The following NDUFV2 variants were observed in gnomAD, a reference collection of about 807,000 sequenced individuals.
NDUFV2 encodes NADH dehydrogenase [ubiquinone] flavoprotein 2, mitochondrial.
In NDUFV2, 18 loss-of-function variants were observed where a neutral mutation model predicts 31.6. That is an observed-to-expected ratio of 0.57 (90% CI 0.39 to 0.84). The LOEUF (loss-of-function observed/expected upper bound fraction) is 0.84, where lower values mean the gene tolerates loss of function less well. NDUFV2 is among the 40% of genes least tolerant of loss of function. The pLI, the probability that NDUFV2 is intolerant of heterozygous loss-of-function variation, is 0.00. For missense variants in NDUFV2, 314 were observed against 303.6 expected (o/e 1.03, Z -0.26); for synonymous variants, 83 against 99.8 (o/e 0.83, Z 1.01).
chr18:9,113,098 C>T (rs1313936302), intron 1 of NDUFV2, among the ~76,000 whole-genome samples: 1 of 152,198 alleles, frequency 6.6e-6, no homozygotes, highest in South Asian at 2.1e-4. Context: ...CCTGTTTCCT[C>T]ATTTGTAAAA....
At chr18:9,127,360 C>T (rs1284701258) in intron 7 of NDUFV2, among the ~76,000 whole-genome samples, 1 of 152,188 alleles carries the variant, frequency 6.6e-6, no homozygotes, top group Non-Finnish European at 1.5e-5. Flanking sequence ...CATTGTTTTT[C>T]TCATATGACA....
Position 9,125,431 on chromosome 18 carries a change from T to C in NDUFV2, c.579+448T>C, listed in dbSNP as rs745312991. Among the ~76,000 whole-genome samples, 267 of 152,274 alleles carry C rather than the reference T, an allele frequency of 1.8e-3. 3 individuals are homozygous for C. Among genetic ancestry groups the C allele is most frequent in the South Asian group, 1.5e-3 (7 of 4,824 alleles). On this transcript the variant is annotated intron_variant, in intron 6 of 7. Transcript: ENST00000318388. Reference sequence around the variant, plus strand: ...ATATATGTATGCAGCTATACTAATATGTTGTATGGCTTTTTAAAAAAATTT... The same window carrying C: ...ATATATGTATGCAGCTATACTAATACGTTGTATGGCTTTTTAAAAAAATTT...
chr18:9,126,683 C>G (rs2077993353), intron 6 of NDUFV2, 148 bp from the exon 7 acceptor site: 1 of 688,182 alleles, frequency 1.5e-6, no homozygotes, highest in South Asian at 1.7e-5. Context: ...ACCTGTAATC[C>G]CAGCACTTTG....
chr18:9,130,983 T>C (rs532158407), intron 7 of NDUFV2, among the ~76,000 whole-genome samples: 1 of 152,366 alleles, frequency 6.6e-6, no homozygotes, highest in East Asian at 1.9e-4. Flanking sequence ...TGATTGCTCA[T>C]GCAGTTGAAG....
chr18:9,129,083 A>G (rs554990745), intron 7 of NDUFV2, among the ~76,000 whole-genome samples: 5 of 152,010 alleles, frequency 3.3e-5, no homozygotes, highest in South Asian at 2.1e-4. Context: ...GACTATAAGA[A>G]CGTGCCACCA....
chr18:9,109,464 C>CTT (rs1448128858), intron 1 of NDUFV2, among the ~76,000 whole-genome samples: 8 of 152,098 alleles, frequency 5.3e-5, no homozygotes, highest in Non-Finnish European at 7.3e-5. Flanking sequence ...GAAAAGTGAG[C>CTT]TTCGTTGGAT....
chr18:9,119,421 C>G (rs1435702029), intron 3 of NDUFV2, 33 bp downstream of exon 3: 8 of 1,602,120 alleles, frequency 5.0e-6, no homozygotes, highest in Admixed American at 3.3e-5. Context: ...ATTAATTTAC[C>G]AAATAGGTAA....
intron 5 of NDUFV2, 134 bp from the exon 6 acceptor site, chr18:9,124,740 G>A (rs766452240): frequency 2.8e-5 from 24 of 846,904 alleles, no homozygotes; most frequent in East Asian, 5.6e-5. Context: ...GAGCCACCGC[G>A]CCTGGCCTCT....
At chr18:9,127,038 T>C (rs2077997341) in intron 7 of NDUFV2, 131 bp downstream of exon 7, 3 of 773,020 alleles carry the variant, frequency 3.9e-6, no homozygotes, top group Admixed American at 4.1e-5. Flanking sequence ...ATTATCTATA[T>C]GAATCTCATC....
At chr18:9,105,078 C>A in intron 1 of NDUFV2, 1 of 1,265,004 alleles carries the variant, frequency 7.9e-7, no homozygotes. Context: ...TGCTACATAG[C>A]ATTCCATTGT....
chr18:9,130,799 T>C (rs2078033517), intron 7 of NDUFV2, among the ~76,000 whole-genome samples: 1 of 152,238 alleles, frequency 6.6e-6, no homozygotes, highest in Non-Finnish European at 1.5e-5. Flanking sequence ...CAATAGTAAC[T>C]GATTCCTGAG....
At chr18:9,119,232 G>T in intron 2 of NDUFV2, 94 bp from the exon 3 acceptor site, 6 of 972,810 alleles carry the variant, frequency 6.2e-6, no homozygotes, top group Non-Finnish European at 9.9e-6. Context: ...TTAAAATGGA[G>T]AGATTAAACA....
intron 6 of NDUFV2, among the ~76,000 whole-genome samples, chr18:9,126,251 A>G (rs890618179): frequency 3.3e-5 from 5 of 152,248 alleles, no homozygotes; most frequent in Admixed American, 1.3e-4. Flanking sequence ...AAGTTACTAC[A>G]GCTACTTTGT....
At chr18:9,118,624 C>G (rs1407288904) in intron 2 of NDUFV2, among the ~76,000 whole-genome samples, 2 of 152,062 alleles carry the variant, frequency 1.3e-5, no homozygotes, top group Non-Finnish European at 2.9e-5. Context: ...TCAAGAGATT[C>G]ATTTCTGTAT....
At chr18:9,103,096 G>A (rs2077823290) in intron 1 of NDUFV2, 1 of 424,428 alleles carries the variant, frequency 2.4e-6, no homozygotes, top group South Asian at 6.7e-5. Flanking sequence ...CTGTAGCGCA[G>A]AATCTAGGCC....
intron 2 of NDUFV2, among the ~76,000 whole-genome samples, chr18:9,119,115 G>C (rs1359183111): frequency 6.6e-6 from 1 of 151,910 alleles, no homozygotes; most frequent in Non-Finnish European, 1.5e-5. Flanking sequence ...ATGGTCCTTT[G>C]TAAATTTTTA....
rs1010469051 is a variant in NDUFV2, at chr18:9,124,924, G to A, written c.520G>A (p.Val174Met). 2 of 1,613,196 alleles carry A rather than the reference G, an allele frequency of 1.2e-6. No homozygotes were observed. The highest frequency in any genetic ancestry group is 2.7e-5 in the African/African-American group (2 of 74,844). The change falls in exon 6 of 8, where the codon GTG (valine) becomes ATG (methionine). Residue 174 changes from valine (V) to methionine (M), a missense_variant. Coordinates refer to ENST00000318388, the MANE Select transcript of NDUFV2 (RefSeq NM_021074.5). ...TGACAAACTTTTCACTCTTATAGAAGTGGAATGTTTAGGGGCCTGTGTGAA... is the reference window on the plus strand; with the variant it reads ...TGACAAACTTTTCACTCTTATAGAAATGGAATGTTTAGGGGCCTGTGTGAA... ...TPDKLFTLIE[V>M]ECLGACVNAP...
At chr18:9,131,149 T>A (rs535357152) in intron 7 of NDUFV2, among the ~76,000 whole-genome samples, 1 of 152,216 alleles carries the variant, frequency 6.6e-6, no homozygotes, top group African/African-American at 2.4e-5. Context: ...GAAAATGTTA[T>A]TAAAATCATA....
intron 1 of NDUFV2, among the ~76,000 whole-genome samples, chr18:9,113,400 C>G (rs1273530225): frequency 6.6e-6 from 1 of 152,130 alleles, no homozygotes; most frequent in East Asian, 1.9e-4. Context: ...TTTGACAGAT[C>G]TGAAATTTTA....
Sources: allele counts gnomAD v4.1 joint callset (sites outside exome capture counted in the v4.1 genomes callset), GRCh38; gene constraint gnomAD v4.1.1; transcripts MANE v1.5; gene names NCBI Gene and HGNC (gene_info 2026-07-23, HGNC 2026-07-21).